ATP10B: variants seen among roughly 807,000 people sequenced by gnomAD.
The protein encoded by ATP10B is ATPase phospholipid transporting 10B (putative).
ATP10B carries 122 observed loss-of-function variants against 141.2 expected under a neutral mutation model. That is an observed-to-expected ratio of 0.86 (90% CI 0.75 to 1.00). The LOEUF is 1.00. ATP10B is among the 50% of genes least tolerant of loss of function. The probability of loss-of-function intolerance (pLI) is 0.00; values close to 1 mark genes in which losing one functional copy is unlikely to be tolerated. For missense variants in ATP10B, 1,876 were observed against 1,825.3 expected (o/e 1.03, Z -0.51); for synonymous variants, 685 against 692.0 (o/e 0.99, Z 0.16).
At chr5:160,847,816 A>G (rs1776219603) in intron 1 of ATP10B, among the ~76,000 whole-genome samples, 1 of 152,166 alleles carries the variant, frequency 6.6e-6, no homozygotes, top group East Asian at 1.9e-4. Flanking sequence ...ACACCAGCTC[A>G]TGGAAACCAT....
chr5:160,594,009 C>A (rs1345410938), intron 22 of ATP10B, among the ~76,000 whole-genome samples: 3 of 152,162 alleles, frequency 2.0e-5, no homozygotes, highest in South Asian at 4.1e-4. Context: ...CAAGGCAGGT[C>A]AACATTCAGA....
At chr5:160,577,988 G>A (rs1030437482) in intron 24 of ATP10B, among the ~76,000 whole-genome samples, 1 of 151,746 alleles carries the variant, frequency 6.6e-6, no homozygotes. Flanking sequence ...TTATATAGTT[G>A]TATGAAAATA....
At chr5:160,771,533 TTGTG>T (rs1162430584) in intron 2 of ATP10B, among the ~76,000 whole-genome samples, 30 of 152,308 alleles carry the variant, frequency 2.0e-4, no homozygotes, top group Admixed American at 1.1e-3. Flanking sequence ...AAAAATTTGA[TTGTG>T]TGTATTTAAG....
At chr5:160,868,446 T>G in the ATP10B span, among the ~76,000 whole-genome samples, 1 of 151,480 alleles carries the variant, frequency 6.6e-6, no homozygotes, top group Non-Finnish European at 1.5e-5. Context: ...GTTATGAAGT[T>G]TGTGATTTTC....
At chr5:160,794,317 C>T (rs1477172404) in intron 1 of ATP10B, among the ~76,000 whole-genome samples, 2 of 152,170 alleles carry the variant, frequency 1.3e-5, no homozygotes, top group African/African-American at 4.8e-5. Flanking sequence ...CTCTGGACAA[C>T]TGATTTCCTG....
intron 10 of ATP10B, 79 bp from the exon 11 acceptor site, chr5:160,636,388 C>T: frequency 1.4e-6 from 2 of 1,474,638 alleles, no homozygotes; most frequent in Non-Finnish European, 9.2e-7. Flanking sequence ...GCCCTTGACA[C>T]ATTCCTAGAA....
At chr5:160,587,736 T>C (rs571853397) in intron 24 of ATP10B, among the ~76,000 whole-genome samples, 1 of 152,346 alleles carries the variant, frequency 6.6e-6, no homozygotes, top group East Asian at 1.9e-4. Context: ...TGTTTGTCTA[T>C]TGTTGGTGTA....
At chr5:160,603,193 A>G (rs1021015642) in intron 20 of ATP10B, 2 of 158,120 alleles carry the variant, frequency 1.3e-5, no homozygotes, top group African/African-American at 4.8e-5. Context: ...GGCACAGTTT[A>G]TAGTACTCTT....
At chr5:160,854,349 C>T (rs1005628528), upstream of ATP10B, among the ~76,000 whole-genome samples, 2 of 152,058 alleles carry the variant, frequency 1.3e-5, no homozygotes, top group Non-Finnish European at 2.9e-5. Flanking sequence ...CCTGACAGGC[C>T]CCAGTGTGTG....
intron 1 of ATP10B, among the ~76,000 whole-genome samples, chr5:160,797,745 AAAC>A (rs1772054109): frequency 8.4e-6 from 1 of 118,660 alleles, no homozygotes; most frequent in Non-Finnish European, 1.8e-5. Flanking sequence ...GCACAAACAC[AAAC>A]ACACAGAGAG....
intron 12 of ATP10B, chr5:160,634,128 C>T (rs752121166): frequency 2.9e-6 from 2 of 695,786 alleles, no homozygotes; most frequent in Admixed American, 4.2e-5. Context: ...GAAGGGGAAC[C>T]ACATATGGGA....
chr5:160,852,736 A>G (rs190584907), upstream of ATP10B, among the ~76,000 whole-genome samples: 1 of 152,292 alleles, frequency 6.6e-6, no homozygotes, highest in Admixed American at 6.5e-5. Context: ...GATAGCTTCG[A>G]TTCATACCCT....
chr5:160,859,803 T>C, the ATP10B span, among the ~76,000 whole-genome samples: 1 of 151,854 alleles, frequency 6.6e-6, no homozygotes, highest in Non-Finnish European at 1.5e-5. Flanking sequence ...GACATTGTAA[T>C]ATATTCTAAT....
chr5:160,621,453 A>G (rs1758344965), intron 14 of ATP10B, among the ~76,000 whole-genome samples: 1 of 152,118 alleles, frequency 6.6e-6, no homozygotes, highest in Non-Finnish European at 1.5e-5. Context: ...AAGCTCCCAC[A>G]TTAACTTGAA....
At chr5:160,921,272 TTG>T in the ATP10B span, among the ~76,000 whole-genome samples, 2 of 134,550 alleles carry the variant, frequency 1.5e-5, no homozygotes, top group Non-Finnish European at 3.1e-5. Flanking sequence ...ATTCAGCACT[TTG>T]TTTTTTTTTT....
At chr5:160,901,299 C>T in the ATP10B span, among the ~76,000 whole-genome samples, 3 of 152,130 alleles carry the variant, frequency 2.0e-5, no homozygotes, top group African/African-American at 7.2e-5. Flanking sequence ...GCTCTTGATA[C>T]AGTGTTAAGA....
At chr5:160,658,165 A>T (rs1761638488) in intron 7 of ATP10B, among the ~76,000 whole-genome samples, 2 of 152,232 alleles carry the variant, frequency 1.3e-5, no homozygotes, top group South Asian at 4.1e-4. Flanking sequence ...AGATCCTAGT[A>T]CAGTGTCTGG....
the ATP10B span, among the ~76,000 whole-genome samples, chr5:160,911,880 A>T: frequency 6.6e-6 from 1 of 152,208 alleles, no homozygotes; most frequent in Non-Finnish European, 1.5e-5. Flanking sequence ...AAACATAATG[A>T]TGCACTAGAG....
At chr5:160,893,493 C>G in the ATP10B span, among the ~76,000 whole-genome samples, 6 of 152,186 alleles carry the variant, frequency 3.9e-5, no homozygotes, top group Non-Finnish European at 8.8e-5. Flanking sequence ...GACTTTCTCT[C>G]TAGATTCCTC....
Sources: allele counts gnomAD v4.1 joint callset (sites outside exome capture counted in the v4.1 genomes callset), GRCh38; gene constraint gnomAD v4.1.1; transcripts MANE v1.5; gene names NCBI Gene and HGNC (gene_info 2026-07-23, HGNC 2026-07-21).